EDA: variants seen among roughly 807,000 people sequenced by gnomAD.
EDA encodes the protein ectodysplasin A.
In EDA, 2 loss-of-function variants were observed where a neutral mutation model predicts 23.6. That is an observed-to-expected ratio of 0.08 (90% CI 0.03 to 0.27). The LOEUF is 0.27. Ranked by LOEUF, EDA falls within the 10% of genes least tolerant of loss-of-function variation. EDA has a pLI of 1.00. For missense variants in EDA, 229 were observed against 324.2 expected (o/e 0.71, Z 2.26); for synonymous variants, 131 against 132.0 (o/e 0.99, Z 0.05).
At chrX:69,877,797 G>A (rs1240862330) in intron 1 of EDA, among the ~76,000 whole-genome samples, 10 of 112,325 alleles carry the variant, frequency 8.9e-5, no homozygotes, top group Non-Finnish European at 1.1e-4. Flanking sequence ...TATTTTATAG[G>A]TATTACATTT....
intron 1 of EDA, among the ~76,000 whole-genome samples, chrX:69,809,955 C>T (rs2015904829): frequency 9.1e-6 from 1 of 110,284 alleles, no homozygotes; most frequent in African/African-American, 3.3e-5. Context: ...TTATTGTTTC[C>T]TCCTCCATAT....
intron 1 of EDA, among the ~76,000 whole-genome samples, chrX:69,719,906 C>T (rs1248220702): frequency 9.1e-6 from 1 of 110,140 alleles, no homozygotes; most frequent in African/African-American, 3.3e-5. Flanking sequence ...TGCACCACCA[C>T]GCCTGGCTAA....
intron 1 of EDA, among the ~76,000 whole-genome samples, chrX:69,766,066 G>A (rs1193116233): frequency 5.4e-5 from 6 of 111,861 alleles, no homozygotes; most frequent in African/African-American, 9.7e-5. Context: ...TAGTTTGTTC[G>A]TTGTTATTGC....
intron 1 of EDA, among the ~76,000 whole-genome samples, chrX:69,923,509 G>A (rs1399843867): frequency 9.0e-6 from 1 of 111,651 alleles, no homozygotes; most frequent in African/African-American, 3.3e-5. Context: ...TGGTGTATAT[G>A]TGCCACATTT....
At chrX:69,983,765 T>G (rs1211266587) in intron 2 of EDA, among the ~76,000 whole-genome samples, 1 of 92,310 alleles carries the variant, frequency 1.1e-5, no homozygotes, top group Non-Finnish European at 2.1e-5. Flanking sequence ...GGAGTATCTT[T>G]GTGGCGTTCT....
At chrX:69,775,106 A>G in intron 1 of EDA, among the ~76,000 whole-genome samples, 1 of 111,861 alleles carries the variant, frequency 8.9e-6, no homozygotes, top group Non-Finnish European at 1.9e-5. Flanking sequence ...CCCACCATGA[A>G]AAGTATTCCT....
At chrX:69,726,071 T>C (rs761150716) in intron 1 of EDA, among the ~76,000 whole-genome samples, 1 of 111,929 alleles carries the variant, frequency 8.9e-6, no homozygotes, top group African/African-American at 3.2e-5. Flanking sequence ...TTCAGCTATA[T>C]CCTGACAGTC....
In EDA at chrX:69,779,554, G is replaced by A. The variant is rs778962941; in HGVS notation, c.396+162850G>A. 6.3e-5 allele frequency among the ~76,000 whole-genome samples: 7 copies of A among 111,209 alleles called. No homozygotes were observed. The South Asian group carries it at 2.3e-3, about 36-fold the overall frequency. On this transcript the variant is annotated intron_variant, in intron 1 of 7. Transcript: ENST00000374552. ...GAAATAGGGAATGACTGCTTCGTGGGTATGGAGTCACCTTTAGGGGTGATG... is the reference window on the plus strand; with the variant it reads ...GAAATAGGGAATGACTGCTTCGTGGATATGGAGTCACCTTTAGGGGTGATG...
chrX:70,006,968 A>T (rs2019810432), intron 2 of EDA, among the ~76,000 whole-genome samples: 1 of 110,924 alleles, frequency 9.0e-6, no homozygotes, highest in Admixed American at 9.6e-5. Flanking sequence ...ATTTTTTTGT[A>T]TAAATGTCCA....
At chrX:69,967,393 A>G (rs1289096771) in intron 2 of EDA, among the ~76,000 whole-genome samples, 1 of 111,559 alleles carries the variant, frequency 9.0e-6, no homozygotes, top group Non-Finnish European at 1.9e-5. Flanking sequence ...GCAAGGTACT[A>G]TACTAGTCAC....
intron 2 of EDA, among the ~76,000 whole-genome samples, chrX:70,014,234 G>C (rs778393354): frequency 1.8e-5 from 2 of 112,904 alleles, no homozygotes; most frequent in East Asian, 5.6e-4. Flanking sequence ...GAAATACAGA[G>C]GAACCACATG....
intron 1 of EDA, among the ~76,000 whole-genome samples, chrX:69,661,517 T>G (rs1933506248): frequency 9.0e-6 from 1 of 111,255 alleles, no homozygotes; most frequent in Non-Finnish European, 1.9e-5. Flanking sequence ...TAGAATTAAT[T>G]TTTGTATATG....
chrX:69,786,711 G>A (rs1304849336), intron 1 of EDA, among the ~76,000 whole-genome samples: 2 of 107,604 alleles, frequency 1.9e-5, no homozygotes, highest in Non-Finnish European at 3.9e-5. Flanking sequence ...TTACTTCCAA[G>A]TATGTGGTCA....
chrX:69,770,611 G>T (rs760148977), intron 1 of EDA, among the ~76,000 whole-genome samples: 7 of 111,396 alleles, frequency 6.3e-5, no homozygotes, highest in African/African-American at 2.3e-4. Context: ...AGCTCTTTAT[G>T]TATTCAACAT....
chrX:69,921,213 A>G (rs1436334520), intron 1 of EDA, among the ~76,000 whole-genome samples: 3 of 110,629 alleles, frequency 2.7e-5, no homozygotes, highest in East Asian at 2.9e-4. Context: ...AGTTAGTCCT[A>G]TGATCACCCA....
At chrX:69,828,443 G>C (rs1040898595) in intron 1 of EDA, among the ~76,000 whole-genome samples, 5 of 111,972 alleles carry the variant, frequency 4.5e-5, no homozygotes, top group African/African-American at 1.6e-4. Context: ...GCAGTATTCG[G>C]GTGGGAGTGA....
intron 1 of EDA, among the ~76,000 whole-genome samples, chrX:69,693,381 A>G (rs1407083411): frequency 9.0e-6 from 1 of 111,539 alleles, no homozygotes; most frequent in East Asian, 2.8e-4. Context: ...TGAAGTGTGG[A>G]CCTAATTACA....
chrX:69,991,203 C>T, intron 2 of EDA, among the ~76,000 whole-genome samples: 1 of 111,175 alleles, frequency 9.0e-6, no homozygotes, highest in African/African-American at 3.3e-5. Flanking sequence ...CACATTATTA[C>T]TCCTGGTTCT....
At chrX:69,862,675 C>A (rs1218557120) in intron 1 of EDA, among the ~76,000 whole-genome samples, 2 of 111,077 alleles carry the variant, frequency 1.8e-5, no homozygotes, top group Admixed American at 1.9e-4. Flanking sequence ...AAACTTCTGG[C>A]CTGAGCAAAC....
Sources: gnomAD v4.1 joint callset for allele counts (sites outside exome capture counted in the v4.1 genomes callset) on GRCh38, gnomAD v4.1.1 for gene constraint, MANE v1.5 for transcripts, NCBI Gene and HGNC (gene_info 2026-07-23, HGNC 2026-07-21) for gene names.